Variants in PBX1 observed in about 807,000 individuals in gnomAD.
PBX1 encodes the protein PBX homeobox 1.
PBX1 carries 6 observed loss-of-function variants against 53.4 expected under a neutral mutation model. The observed-to-expected ratio is 0.11, with a 90% confidence interval of 0.06 to 0.22. The LOEUF is 0.22. PBX1 is among the 10% of genes least tolerant of loss of function. PBX1 has a pLI of 1.00. For missense variants in PBX1, 251 were observed against 551.4 expected (o/e 0.46, Z 5.46); for synonymous variants, 204 against 212.3 (o/e 0.96, Z 0.34).
intron 2 of PBX1, among the ~76,000 whole-genome samples, chr1:164,777,507 C>G (rs1030333773): frequency 6.6e-6 from 1 of 152,190 alleles, no homozygotes; most frequent in Non-Finnish European, 1.5e-5. Context: ...GACCATAAAG[C>G]TAAACTCTGA....
At chr1:164,818,745 C>A (rs908509235) in intron 6 of PBX1, 1 of 151,672 alleles carries the variant, frequency 6.6e-6, no homozygotes, top group Non-Finnish European at 1.5e-5. Flanking sequence ...AGATAGATAC[C>A]ATAAATAAAC....
At chr1:164,739,760 T>C (rs553277188) in intron 2 of PBX1, among the ~76,000 whole-genome samples, 15,887 of 98,050 alleles carry the variant, frequency 0.16, 1,292 homozygotes, top group South Asian at 0.37. Flanking sequence ...TGCATGTGTG[T>C]GTGTGTGTGT....
intron 4 of PBX1, among the ~76,000 whole-genome samples, chr1:164,805,653 T>C (rs910654356): frequency 5.9e-5 from 9 of 152,316 alleles, no homozygotes; most frequent in Middle Eastern, 3.4e-3. Flanking sequence ...AACAACAGTC[T>C]TTAGGCGAAG....
At chr1:164,679,147 CT>C (rs1661603049) in intron 2 of PBX1, among the ~76,000 whole-genome samples, 1 of 152,162 alleles carries the variant, frequency 6.6e-6, no homozygotes, top group African/African-American at 2.4e-5. Flanking sequence ...TTTTTATACT[CT>C]TAATTAACCA....
chr1:164,884,417 G>T, intron 2 of PBX1: 2 of 305,086 alleles, frequency 6.6e-6, no homozygotes. Flanking sequence ...CTTGCCAGAG[G>T]GTGGGCGAAA....
chr1:164,751,640 T>C (rs917764928), intron 2 of PBX1, among the ~76,000 whole-genome samples: 4 of 143,114 alleles, frequency 2.8e-5, no homozygotes, highest in South Asian at 2.4e-4. Context: ...TAGAGTGCAA[T>C]AGGGCAATCT....
downstream of PBX1, among the ~76,000 whole-genome samples, chr1:164,853,662 C>T (rs186092129): frequency 1.1e-3 from 167 of 152,222 alleles, 1 homozygote; most frequent in Admixed American, 3.0e-3. Flanking sequence ...GCCTTAGCAC[C>T]GAGCCTGTGG....
chr1:164,786,754 A>G (rs956927276), intron 2 of PBX1, among the ~76,000 whole-genome samples: 1 of 150,166 alleles, frequency 6.7e-6, no homozygotes, highest in Non-Finnish European at 1.5e-5. Flanking sequence ...CAGAATAGAT[A>G]TCACATCCAT....
chr1:164,828,797 GTCT>G (rs961056653), intron 8 of PBX1: 13 of 152,172 alleles, frequency 8.5e-5, no homozygotes, highest in African/African-American at 3.1e-4. Context: ...TCTGAAGACA[GTCT>G]TCTTCTTGCT....
At chr1:164,806,108 G>A (rs183126563) in intron 4 of PBX1, among the ~76,000 whole-genome samples, 3 of 152,268 alleles carry the variant, frequency 2.0e-5, no homozygotes, top group Non-Finnish European at 2.9e-5. Context: ...AAGCAAGAAA[G>A]GCAAAAGTGC....
intron 2 of PBX1, among the ~76,000 whole-genome samples, chr1:164,591,011 ATTT>A (rs34197119): frequency 8.7e-5 from 11 of 126,908 alleles, no homozygotes; most frequent in Admixed American, 2.5e-4. Context: ...CACTTGGCTA[ATTT>A]TTTTTTTTTT....
At chr1:164,812,621 T>A (rs966300237) in intron 6 of PBX1, 1 of 152,598 alleles carries the variant, frequency 6.6e-6, no homozygotes, top group African/African-American at 2.4e-5. Context: ...AGCAAATATC[T>A]TATTAGAATG....
chr1:164,799,929 C>G, intron 4 of PBX1, 40 bp downstream of exon 4: 2 of 1,562,932 alleles, frequency 1.3e-6, no homozygotes, highest in Admixed American at 1.7e-5. Flanking sequence ...CTCTGGGAGT[C>G]CCTGATCTGG....
At chr1:164,711,694 A>T (rs1047540530) in intron 2 of PBX1, among the ~76,000 whole-genome samples, 18 of 152,222 alleles carry the variant, frequency 1.2e-4, no homozygotes, top group Non-Finnish European at 2.6e-4. Flanking sequence ...TTGCTTTCAG[A>T]ACACAAAATC....
At chr1:164,560,711 A>G (rs1389793659) in intron 1 of PBX1, among the ~76,000 whole-genome samples, 2 of 152,126 alleles carry the variant, frequency 1.3e-5, no homozygotes, top group African/African-American at 4.8e-5. Context: ...TAGTTTTAAG[A>G]GACTCAGATT....
chr1:164,805,003 G>C (rs754963177), intron 4 of PBX1, among the ~76,000 whole-genome samples: 6 of 152,160 alleles, frequency 3.9e-5, no homozygotes, highest in Non-Finnish European at 7.3e-5. Context: ...TATTAGGGCA[G>C]GAGATAACAA....
At chr1:164,592,351 A>G (rs997852346) in intron 2 of PBX1, among the ~76,000 whole-genome samples, 1 of 152,228 alleles carries the variant, frequency 6.6e-6, no homozygotes, top group African/African-American at 2.4e-5. Context: ...GTTGAGTTTA[A>G]GGGAAATCAC....
intron 2 of PBX1, among the ~76,000 whole-genome samples, chr1:164,565,608 T>C (rs1557863360): frequency 6.6e-6 from 1 of 152,150 alleles, no homozygotes; most frequent in Non-Finnish European, 1.5e-5. Context: ...GAGTCAACTG[T>C]GGTCTGCTGA....
At chr1:164,697,668 T>C (rs901667986) in intron 2 of PBX1, among the ~76,000 whole-genome samples, 1 of 152,240 alleles carries the variant, frequency 6.6e-6, no homozygotes, top group Non-Finnish European at 1.5e-5. Context: ...ACTTGGTGCC[T>C]TGAGGTCACC....
Sources: gnomAD v4.1 joint callset for allele counts (sites outside exome capture counted in the v4.1 genomes callset) on GRCh38, gnomAD v4.1.1 for gene constraint, MANE v1.5 for transcripts, NCBI Gene and HGNC (gene_info 2026-07-23, HGNC 2026-07-21) for gene names.